The following COL4A2 variants were observed in gnomAD, a reference collection of about 807,000 sequenced individuals.
COL4A2 encodes the protein collagen type IV alpha 2 chain.
COL4A2 carries 99 observed loss-of-function variants against 200.2 expected under a neutral mutation model. The observed-to-expected ratio is 0.49, with a 90% CI of 0.42 to 0.58. The LOEUF is 0.58. Among genes scored for constraint, COL4A2 ranks in the 20% least tolerant of loss-of-function variants. The pLI, the probability that COL4A2 is intolerant of heterozygous loss-of-function variation, is 0.00. For synonymous variants in COL4A2, 897 were observed against 900.6 expected (o/e 1.00, Z 0.07); for missense variants, 1,950 against 2,314.1 (o/e 0.84, Z 3.23).
chr13:110,487,180 A>C (rs1157973969), intron 34 of COL4A2, among the ~76,000 whole-genome samples: 1 of 152,242 alleles, frequency 6.6e-6, no homozygotes, highest in Non-Finnish European at 1.5e-5. Context: ...AGCCAGGTGC[A>C]GTGGCTCTTG....
intron 36 of COL4A2, among the ~76,000 whole-genome samples, chr13:110,490,810 C>G (rs1883261149): frequency 6.6e-6 from 1 of 152,204 alleles, no homozygotes; most frequent in Non-Finnish European, 1.5e-5. Context: ...AGAGACGCTA[C>G]CCCCACCCAA....
intron 4 of COL4A2, among the ~76,000 whole-genome samples, chr13:110,385,479 G>C (rs1878663313): frequency 6.6e-6 from 1 of 151,350 alleles, no homozygotes; most frequent in Non-Finnish European, 1.5e-5. Context: ...CGTGGTTACA[G>C]TGTGTGGATA....
At position 110,430,018 on chromosome 13, in the gene COL4A2, A is replaced by T. The variant is rs1362577487; in HGVS notation, c.549+62A>T. ...CCCAGTGTAAATTCTCAACTAACAAAGTTAATTGCCAAGTGAACTTTGCAT... is the reference window on the plus strand; with the variant it reads ...CCCAGTGTAAATTCTCAACTAACAATGTTAATTGCCAAGTGAACTTTGCAT... On this transcript the variant is annotated intron_variant, in intron 8 of 47. Coordinates refer to ENST00000360467, the MANE Select transcript of COL4A2 (RefSeq NM_001846.4). 2.7e-6 allele frequency: 4 copies of T among 1,465,786 alleles called. No homozygotes were observed. In the Admixed American group the frequency reaches 7.3e-5, roughly 27 times the overall value. The allele number at this position is 1,465,786 out of a possible 1,614,324, so 90.8% of individuals were successfully genotyped here. A position where few individuals can be genotyped will look rare whatever the true frequency, so the allele number is the denominator to read the frequency against.
chr13:110,342,908 G>C (rs982361111), intron 3 of COL4A2, among the ~76,000 whole-genome samples: 1 of 152,114 alleles, frequency 6.6e-6, no homozygotes, highest in Non-Finnish European at 1.5e-5. Flanking sequence ...CAGATTAAGC[G>C]TAAAAAGACT....
intron 4 of COL4A2, among the ~76,000 whole-genome samples, chr13:110,383,875 G>T (rs1594182184): frequency 6.6e-6 from 1 of 152,128 alleles, no homozygotes; most frequent in Non-Finnish European, 1.5e-5. Flanking sequence ...GCCTCCCGAA[G>T]TGTTGACATT....
rs553954972 is a variant in COL4A2, at chr13:110,354,703, G to T, written c.100-2769G>T. On this transcript the variant is annotated intron_variant, in intron 3 of 47. Coordinates refer to ENST00000360467, the MANE Select transcript of COL4A2 (RefSeq NM_001846.4). ...GAATTATAAGAAGAACATAAAAAAC[G>T]TGAAACTCTCAGATGAGAGTTCTCT... Among the ~76,000 whole-genome samples the T allele has an allele frequency of 3.3e-5, 5 of 151,022 alleles. No homozygotes were observed. The East Asian group carries it at 7.8e-4, about 23-fold the overall frequency.
chr13:110,474,249 G>A (rs1403784024), intron 29 of COL4A2, among the ~76,000 whole-genome samples: 1 of 152,260 alleles, frequency 6.6e-6, no homozygotes, highest in African/African-American at 2.4e-5. Context: ...AGGCTTCTCT[G>A]TGGTGTGGGA....
intron 3 of COL4A2, among the ~76,000 whole-genome samples, chr13:110,335,979 T>C (rs775152378): frequency 1.6e-4 from 25 of 152,258 alleles, no homozygotes; most frequent in Non-Finnish European, 3.2e-4. Flanking sequence ...CTGTTGGCAA[T>C]GTAGACTCAT....
chr13:110,395,873 A>G (rs1301660707), intron 4 of COL4A2, among the ~76,000 whole-genome samples: 1 of 152,214 alleles, frequency 6.6e-6, no homozygotes, highest in Non-Finnish European at 1.5e-5. Context: ...TGAACTCAGG[A>G]GGCGGAGGTT....
intron 4 of COL4A2, among the ~76,000 whole-genome samples, chr13:110,412,681 C>A (rs960425497): frequency 1.3e-5 from 2 of 152,210 alleles, no homozygotes; most frequent in African/African-American, 4.8e-5. Context: ...GAATTGCTTA[C>A]GCAGGTCTGG....
intron 40 of COL4A2, among the ~76,000 whole-genome samples, chr13:110,499,971 A>G (rs1045731313): frequency 2.6e-5 from 4 of 152,240 alleles, no homozygotes; most frequent in African/African-American, 9.6e-5. Flanking sequence ...CAAACTACAG[A>G]TGGTGGCTCA....
At chr13:110,372,521 G>A (rs535574978) in intron 4 of COL4A2, among the ~76,000 whole-genome samples, 3 of 152,160 alleles carry the variant, frequency 2.0e-5, no homozygotes, top group Non-Finnish European at 4.4e-5. Flanking sequence ...CAAATCTGGA[G>A]ACATTTTACT....
intron 4 of COL4A2, among the ~76,000 whole-genome samples, chr13:110,406,952 C>T (rs1045258359): frequency 5.3e-5 from 8 of 152,114 alleles, no homozygotes; most frequent in Non-Finnish European, 1.0e-4. Context: ...TTCAGGGGCC[C>T]GGCAGGGTCT....
chr13:110,505,344 C>T (rs1358074853), intron 45 of COL4A2, among the ~76,000 whole-genome samples: 4 of 150,740 alleles, frequency 2.7e-5, no homozygotes, highest in East Asian at 2.0e-4. Flanking sequence ...AGCGAGACTC[C>T]GTCTCAAAAA....
rs142187104 is a variant in COL4A2, at chr13:110,421,914, G to A, written c.181-2820G>A. On this transcript the variant is annotated intron_variant, in intron 4 of 47. Transcript: ENST00000360467. ...CAAAGGGAATTGAGGAAGGGTTGAC[G>A]AATGCAGATAAGAATGTGGTTTTCA... Among the ~76,000 whole-genome samples the A allele has an allele frequency of 4.6e-3, 706 of 152,332 alleles. 2 individuals carry two copies. The highest frequency in any genetic ancestry group is 6.3e-3 in the Non-Finnish European group (426 of 68,024).
chr13:110,353,971 T>G (rs991110865), intron 3 of COL4A2, among the ~76,000 whole-genome samples: 1 of 152,200 alleles, frequency 6.6e-6, no homozygotes, highest in African/African-American at 2.4e-5. Context: ...AAAGTAAGAA[T>G]GCATCATTCA....
chr13:110,385,445 C>A lies in COL4A2; in HGVS notation c.180+27893C>A, dbSNP rs1237222972. Among the ~76,000 whole-genome samples, 2 of 71,636 alleles carry A rather than the reference C, an allele frequency of 2.8e-5. 1 individual carries two copies. The highest frequency in any genetic ancestry group is 5.9e-5 in the Non-Finnish European group (2 of 33,884). 47.0% of individuals were successfully genotyped at this position (71,636 alleles called of 152,430 possible). A position where few individuals can be genotyped will look rare whatever the true frequency, so the allele number is the denominator to read the frequency against. ...CTGTGGTTACAGTGCCTGGATAGAC[C>A]GTGGCTGCAGTGTGTGGATAGGCCG... is the stretch of plus-strand genomic sequence containing the variant. On this transcript the variant is annotated intron_variant, in intron 4 of 47. Coordinates refer to ENST00000360467, the MANE Select transcript of COL4A2 (RefSeq NM_001846.4).
chr13:110,434,313 C>T (rs1241630953), intron 11 of COL4A2, 88 bp from the exon 12 acceptor site: 3 of 1,242,268 alleles, frequency 2.4e-6, no homozygotes, highest in Non-Finnish European at 3.5e-6. Flanking sequence ...GATAAATAGG[C>T]CTTGGGTTTC....
chr13:110,506,267 TC>T (rs1883866664), intron 45 of COL4A2, 147 bp from the exon 46 acceptor site: 2 of 815,726 alleles, frequency 2.5e-6, no homozygotes, highest in African/African-American at 1.8e-5. Context: ...ACTCTCTCTC[TC>T]TCTCTCTCTC....
Sources: gnomAD v4.1 joint callset for allele counts (sites outside exome capture counted in the v4.1 genomes callset) on GRCh38, gnomAD v4.1.1 for gene constraint, MANE v1.5 for transcripts, NCBI Gene and HGNC (gene_info 2026-07-23, HGNC 2026-07-21) for gene names.